Variants in UPP2 observed in about 807,000 individuals in gnomAD.
UPP2 encodes the protein uridine phosphorylase 2.
Under a neutral mutation model 26.7 loss-of-function variants are expected in UPP2, and 23 were observed. That is an observed-to-expected ratio of 0.86 (90% confidence interval 0.62 to 1.22). The LOEUF is 1.22. UPP2 is among the 50% of genes most tolerant of loss of function. The pLI is 0.00. For synonymous variants in UPP2, 127 were observed against 141.3 expected, an observed-to-expected ratio of 0.90 and a Z score of 0.72; for missense variants, 387 against 396.7, an observed-to-expected ratio of 0.98 and a Z score of 0.21.
chr2:158,128,198 A>G (rs1683733860), intron 6 of UPP2, among the ~76,000 whole-genome samples: 1 of 152,238 alleles, frequency 6.6e-6, no homozygotes, highest in Non-Finnish European at 1.5e-5. Flanking sequence ...TTTTCTTTAA[A>G]GAATTCAGTG....
At chr2:158,103,418 A>G (rs137889261) in intron 1 of UPP2, among the ~76,000 whole-genome samples, 1 of 152,320 alleles carries the variant, frequency 6.6e-6, no homozygotes, top group African/African-American at 2.4e-5. Flanking sequence ...TTTTAAAAAC[A>G]CCAAAGCCCA....
chr2:158,113,632 A>C (rs1239304308), intron 2 of UPP2, among the ~76,000 whole-genome samples: 4 of 152,228 alleles, frequency 2.6e-5, no homozygotes, highest in Non-Finnish European at 4.4e-5. Context: ...AATGGAAACA[A>C]GATGCATCAT....
At chr2:158,053,238 A>G (rs931426765) in intron 3 of UPP2, among the ~76,000 whole-genome samples, 2 of 152,190 alleles carry the variant, frequency 1.3e-5, no homozygotes, top group Non-Finnish European at 2.9e-5. Context: ...AGCCTTTCTA[A>G]CAAAACCTGG....
chr2:158,109,420 TGATG>T (rs780764565), intron 2 of UPP2, among the ~76,000 whole-genome samples: 1 of 152,184 alleles, frequency 6.6e-6, no homozygotes, highest in Non-Finnish European at 1.5e-5. Context: ...AGTTCTTAGT[TGATG>T]GATGGTTTCC....
At chr2:158,107,943 G>A (rs1683230334) in intron 2 of UPP2, among the ~76,000 whole-genome samples, 1 of 152,074 alleles carries the variant, frequency 6.6e-6, no homozygotes, top group Non-Finnish European at 1.5e-5. Context: ...CATTGATCAA[G>A]GCGGTCTTTA....
At chr2:158,015,661 C>T (rs370528805) in intron 2 of UPP2, 80 of 398,574 alleles carry the variant, frequency 2.0e-4, no homozygotes, top group Middle Eastern at 1.7e-3. Flanking sequence ...AGGGGCCTGG[C>T]GGGAGGTGAC....
At chr2:158,125,390 T>C (rs918940574) in intron 6 of UPP2, among the ~76,000 whole-genome samples, 1 of 151,652 alleles carries the variant, frequency 6.6e-6, no homozygotes, top group Non-Finnish European at 1.5e-5. Flanking sequence ...GGTAAAAACG[T>C]GGGAAGAACA....
chr2:158,092,280 T>TA (rs894184712), intron 3 of UPP2, among the ~76,000 whole-genome samples: 1 of 152,120 alleles, frequency 6.6e-6, no homozygotes, highest in African/African-American at 2.4e-5. Flanking sequence ...AGTTATTTTC[T>TA]AAAAAAGTCA....
At position 157,995,530 on chromosome 2, in the gene UPP2, A is replaced by G. The variant is rs76406199; in HGVS notation, c.61+271A>G. 1.9e-4 allele frequency among the ~76,000 whole-genome samples: 29 copies of G among 152,266 alleles called. No individual in the cohort carries two copies. In the East Asian group the frequency reaches 5.4e-3, roughly 28 times the overall value. On this transcript the variant is annotated intron_variant, in intron 2 of 9. Coordinates refer to the UPP2 transcript ENST00000605860. Reference sequence around the variant, plus strand: ...AAACATGCTATGTGAACAGCCCTACACTGGTGCCTTATTTTCAATCACCTT... The same window carrying G: ...AAACATGCTATGTGAACAGCCCTACGCTGGTGCCTTATTTTCAATCACCTT...
intron 2 of UPP2, among the ~76,000 whole-genome samples, chr2:158,113,438 C>T (rs1293353649): frequency 6.6e-6 from 1 of 152,210 alleles, no homozygotes; most frequent in Non-Finnish European, 1.5e-5. Flanking sequence ...GTCTTAACCT[C>T]TTTGCTACCA....
intron 2 of UPP2, among the ~76,000 whole-genome samples, chr2:158,107,037 A>G (rs934321524): frequency 6.6e-6 from 1 of 152,250 alleles, no homozygotes; most frequent in Non-Finnish European, 1.5e-5. Context: ...TGTACCACAC[A>G]TTACAGAGAC....
At chr2:158,020,257 C>G (rs1683728676) in intron 3 of UPP2, among the ~76,000 whole-genome samples, 1 of 152,222 alleles carries the variant, frequency 6.6e-6, no homozygotes, top group Non-Finnish European at 1.5e-5. Flanking sequence ...TCTGACTTCA[C>G]TGCTCCTGTT....
intron 3 of UPP2, among the ~76,000 whole-genome samples, chr2:158,096,029 G>C (rs969950724): frequency 2.6e-5 from 4 of 152,128 alleles, no homozygotes; most frequent in Admixed American, 1.3e-4. Context: ...CAGAAGTCAA[G>C]GGTTTTTCAG....
At chr2:158,114,179 T>C (rs922574253) in intron 2 of UPP2, among the ~76,000 whole-genome samples, 2 of 152,212 alleles carry the variant, frequency 1.3e-5, no homozygotes, top group African/African-American at 4.8e-5. Flanking sequence ...GTCTTCTCTC[T>C]CTCTGCATTT....
intron 3 of UPP2, among the ~76,000 whole-genome samples, chr2:158,047,555 C>G (rs559319210): frequency 2.0e-5 from 3 of 152,308 alleles, no homozygotes; most frequent in East Asian, 3.9e-4. Context: ...AAGGCCAAAC[C>G]AAGAGACCAG....
intron 2 of UPP2, among the ~76,000 whole-genome samples, chr2:157,997,222 T>C (rs1683336014): frequency 6.6e-6 from 1 of 152,218 alleles, no homozygotes; most frequent in African/African-American, 2.4e-5. Flanking sequence ...GGACACTACA[T>C]AATATTTTGT....
intron 3 of UPP2, among the ~76,000 whole-genome samples, chr2:158,037,992 C>G (rs954717683): frequency 1.3e-5 from 2 of 152,126 alleles, no homozygotes; most frequent in Non-Finnish European, 2.9e-5. Flanking sequence ...TAGAAAGAAA[C>G]TAAGGCAGAA....
intron 3 of UPP2, among the ~76,000 whole-genome samples, chr2:158,079,511 G>A (rs1472809035): frequency 2.0e-5 from 3 of 151,978 alleles, no homozygotes; most frequent in Admixed American, 1.3e-4. Context: ...CGTTACAGGG[G>A]GCTTGTGATG....
chr2:158,018,034 A>T (rs1683687216), intron 3 of UPP2, among the ~76,000 whole-genome samples: 1 of 152,198 alleles, frequency 6.6e-6, no homozygotes. Context: ...ATGATAATTA[A>T]TGTTTTAAAA....
Sources: gnomAD v4.1 joint callset for allele counts (sites outside exome capture counted in the v4.1 genomes callset) on GRCh38, gnomAD v4.1.1 for gene constraint, MANE v1.5 for transcripts, NCBI Gene and HGNC (gene_info 2026-07-23, HGNC 2026-07-21) for gene names.